The following PRKD3 variants were observed in gnomAD, a reference collection of about 807,000 sequenced individuals.
PRKD3 encodes protein kinase D3.
Under a neutral mutation model 99.2 loss-of-function variants are expected in PRKD3, and 47 were observed. The ratio of observed to expected loss-of-function variants is 0.47; its 90% confidence interval spans 0.38 to 0.60. The LOEUF is 0.60. Ranked by LOEUF, PRKD3 falls within the 20% of genes least tolerant of loss-of-function variation. The pLI is 0.00. For synonymous variants in PRKD3, 392 were observed against 355.4 expected (o/e 1.10, Z -1.16); for missense variants, 1,019 against 1,088.4 (o/e 0.94, Z 0.90).
intron 9 of PRKD3, among the ~76,000 whole-genome samples, chr2:37,276,299 G>T (rs776104659): frequency 2.6e-5 from 4 of 152,102 alleles, no homozygotes; most frequent in Non-Finnish European, 5.9e-5. Context: ...AGCAACGTAT[G>T]AGAGTCCCTA....
intron 9 of PRKD3, 101 bp from the exon 10 acceptor site, chr2:37,275,945 T>A (rs1018228127): frequency 6.4e-6 from 9 of 1,395,522 alleles, no homozygotes; most frequent in Non-Finnish European, 7.6e-6. Context: ...ATTTGTATTT[T>A]TGAATAACTT....
At chr2:37,270,365 A>AG (rs936398493) in intron 12 of PRKD3, among the ~76,000 whole-genome samples, 1 of 151,728 alleles carries the variant, frequency 6.6e-6, no homozygotes, top group South Asian at 2.1e-4. Context: ...AAAAAAAAAA[A>AG]AAACTCAAAA....
chr2:37,320,117 C>T (rs895166330), intron 1 of PRKD3, among the ~76,000 whole-genome samples: 14 of 152,088 alleles, frequency 9.2e-5, no homozygotes, highest in Admixed American at 2.0e-4. Context: ...TTATTAAATC[C>T]TTGCAACAAC....
chr2:37,260,326 A>G lies in PRKD3; in HGVS notation c.1943T>C (p.Val648Ala), dbSNP rs1347716903. The change falls in exon 15 of 19, where the codon GTC becomes GCC. Residue 648 changes from valine to alanine, a missense_variant. Physicochemically the swap from Val to Ala is moderately conservative, Grantham distance 64. Around this residue, in one of 3 missense-constraint regions of PRKD3, gnomAD observed 184 missense variants for 275.1 expected, o/e 0.67. Coordinates refer to ENST00000234179, the MANE Select transcript of PRKD3 (RefSeq NM_005813.6). ...LECMFETPER[V>A]FVVMEKLHGD... ...ATGCAGCTTTTCCATTACTACAAAG[A>G]CTCGTTCTGGGGTTTCAAACATACA... 1 of 1,609,610 alleles carries G rather than the reference A, an allele frequency of 6.2e-7. No individual in the cohort carries two copies. Among genetic ancestry groups the G allele is most frequent in the Non-Finnish European group, 8.5e-7 (1 of 1,176,164 alleles).
At chr2:37,288,424 T>C (rs747041158) in intron 5 of PRKD3, among the ~76,000 whole-genome samples, 2 of 152,222 alleles carry the variant, frequency 1.3e-5, no homozygotes, top group African/African-American at 2.4e-5. Flanking sequence ...GCTTTTACTC[T>C]GGTGTCTTAA....
intron 14 of PRKD3, among the ~76,000 whole-genome samples, chr2:37,263,343 T>C (rs1463922865): frequency 6.6e-6 from 1 of 152,224 alleles, no homozygotes; most frequent in African/African-American, 2.4e-5. Flanking sequence ...CTTTAATGCA[T>C]TGAGATCAAA....
In PRKD3 at chr2:37,316,733, G is replaced by A. The variant is rs1671681525; in HGVS notation, c.-209C>T. 7 of 1,394,562 alleles carry A rather than the reference G, an allele frequency of 5.0e-6. No individual in the cohort carries two copies. The highest frequency in any genetic ancestry group is 6.5e-6 in the Non-Finnish European group (7 of 1,079,984). The allele number at this position is 1,394,562 out of a possible 1,614,324, so 86.4% of individuals were successfully genotyped here. ...AAAGGTCCTATTTCTCTTAATATCA[G>A]TCCCATCAAAAAGCAGTCTTGTCTG... On this transcript the variant is annotated 5_prime_UTR_variant, in exon 2 of 19. Coordinates refer to ENST00000234179, the MANE Select transcript of PRKD3 (RefSeq NM_005813.6).
At chr2:37,303,580 C>T (rs1283128985) in intron 2 of PRKD3, among the ~76,000 whole-genome samples, 1 of 152,044 alleles carries the variant, frequency 6.6e-6, no homozygotes, top group Non-Finnish European at 1.5e-5. Flanking sequence ...TCACTCAAGG[C>T]AGCTAGCCAG....
intron 4 of PRKD3, among the ~76,000 whole-genome samples, chr2:37,290,234 A>G (rs2124836283): frequency 6.6e-6 from 1 of 151,972 alleles, no homozygotes; most frequent in South Asian, 2.1e-4. Flanking sequence ...GTAAGAGACA[A>G]CTTTTTTTTT....
intron 2 of PRKD3, among the ~76,000 whole-genome samples, chr2:37,303,289 T>C (rs1671018245): frequency 1.3e-5 from 2 of 152,076 alleles, no homozygotes; most frequent in Admixed American, 1.3e-4. Flanking sequence ...GGGATCTCAT[T>C]GTTCTTAGAT....
rs375428943 is a variant in PRKD3 at position 37,269,909 on chromosome 2, GA to G, written c.1705-223del. Among the ~76,000 whole-genome samples, 90 of 152,148 alleles carry G rather than the reference GA, an allele frequency of 5.9e-4. No homozygotes were observed. The East Asian group carries it at 0.011, about 19-fold the overall frequency. ...ATAATGTATTGTGCAAGACTTTCAG[GA>G]AAAAAATGCTTTGCATTTTAAAAAT... On this transcript the variant is annotated intron_variant, in intron 12 of 18. Transcript: ENST00000234179.
chr2:37,289,437 C>T lies in PRKD3; in HGVS notation c.636G>A (p.Leu212=), dbSNP rs1204385228. The T allele has an allele frequency of 6.2e-7, 1 of 1,614,034 alleles. No homozygotes were observed. The highest frequency in any genetic ancestry group is 1.1e-5 in the South Asian group (1 of 91,082). ...NNCSGVRKRR[L]SNVSLPGPGL... ...CGGGTCCTGGTAAAGATACATTTGACAGACGTCTCTTTCTTACTCCACTAC... is the reference window on the plus strand; with the variant it reads ...CGGGTCCTGGTAAAGATACATTTGATAGACGTCTCTTTCTTACTCCACTAC... Residue 212 remains leucine (L), a synonymous_variant, in exon 5 of 19, where the codon CTG becomes CTA. Transcript: ENST00000234179.
Position 37,253,045 on chromosome 2 carries a change from G to C in PRKD3, c.*132C>G. The C allele has an allele frequency of 4.5e-6, 4 of 891,852 alleles. No homozygotes were observed. The highest frequency in any genetic ancestry group is 6.6e-6 in the Non-Finnish European group (4 of 604,164). The allele number at this position is 891,852 out of a possible 1,614,324, so 55.2% of individuals were successfully genotyped here. On this transcript the variant is annotated 3_prime_UTR_variant, in exon 19 of 19. Transcript: ENST00000234179. ...CTACTCATTATGAACTACAGTACTG[G>C]TGTCACTTATTCGTTATCATATTTC... is the stretch of plus-strand genomic sequence containing the variant.
chr2:37,294,747 T>G (rs2124851355), intron 2 of PRKD3, among the ~76,000 whole-genome samples: 1 of 152,308 alleles, frequency 6.6e-6, no homozygotes, highest in East Asian at 1.9e-4. Flanking sequence ...TTACAAAAAT[T>G]TGTAAGGACA....
Position 37,250,526 on chromosome 2 carries a change from CTTTTT to C in PRKD3, c.*2646_*2650del, listed in dbSNP as rs564837742. 6.6e-6 allele frequency: 1 copy of C among 151,686 alleles called. No individual in the cohort carries two copies. Among genetic ancestry groups the C allele is most frequent in the Admixed American group, 6.6e-5 (1 of 15,218 alleles). 9.4% of individuals were successfully genotyped at this position (151,686 alleles called of 1,614,324 possible). A position where few individuals can be genotyped will look rare whatever the true frequency, so the allele number is the denominator to read the frequency against. Reference sequence around the variant, plus strand: ...ATTTAGTAGAAAATTATAAAATGAGCTTTTTTTTATTTTTGGCAGGTTAAAAAAAA... The same window carrying C: ...ATTTAGTAGAAAATTATAAAATGAGCTTTATTTTTGGCAGGTTAAAAAAAA... On this transcript the variant is annotated 3_prime_UTR_variant, in exon 19 of 19. Transcript: ENST00000234179.
At chr2:37,277,246 G>C (rs1158223033) in intron 9 of PRKD3, among the ~76,000 whole-genome samples, 1 of 152,064 alleles carries the variant, frequency 6.6e-6, no homozygotes, top group Non-Finnish European at 1.5e-5. Context: ...GGATTTATTA[G>C]GTGGTTACCA....
Position 37,290,260 on chromosome 2 carries a change from G to A in PRKD3, c.559+608C>T, listed in dbSNP as rs529148527. Among the ~76,000 whole-genome samples, 11 of 151,796 alleles carry A rather than the reference G, an allele frequency of 7.2e-5. No individual in the cohort carries two copies. In the East Asian group the frequency reaches 1.7e-3, roughly 24 times the overall value. On this transcript the variant is annotated intron_variant, in intron 4 of 18. Transcript: ENST00000234179. ...CTTTTTTTTTTTGAGACAGAGTTTC[G>A]CTCTTTCACCCAGGCTGGAGTGCAA...
At chr2:37,267,340 CCTT>C (rs1226382029) in intron 14 of PRKD3, 87 bp downstream of exon 14, 3 of 880,658 alleles carry the variant, frequency 3.4e-6, no homozygotes, top group East Asian at 2.6e-5. Context: ...TCTAATTTTG[CCTT>C]CTTAAAAAAA....
At position 37,287,647 on chromosome 2, in the gene PRKD3, T is replaced by C. The variant is rs181883748; in HGVS notation, c.718-1278A>G. Among the ~76,000 whole-genome samples, 4 of 152,340 alleles carry C rather than the reference T, an allele frequency of 2.6e-5. No individual in the cohort carries two copies. In the East Asian group the frequency reaches 5.8e-4, roughly 22 times the overall value. ...ATTTTGTGCTTGAGTATTTGGATTA[T>C]GTTTTATTCAATTTTGTGTCCCTAG... On this transcript the variant is annotated intron_variant, in intron 5 of 18. Coordinates refer to ENST00000234179, the MANE Select transcript of PRKD3 (RefSeq NM_005813.6).
Sources: gnomAD v4.1 joint callset for allele counts (sites outside exome capture counted in the v4.1 genomes callset) on GRCh38, gnomAD v4.1.1 for gene constraint, gnomAD v4.1.1 regional missense constraint, MANE v1.5 for transcripts, NCBI Gene and HGNC (gene_info 2026-07-23, HGNC 2026-07-21) for gene names.